PPP3R1: variants seen among roughly 807,000 people sequenced by gnomAD.
PPP3R1 encodes calcineurin subunit B type 1.
Under a neutral mutation model 22.6 loss-of-function variants are expected in PPP3R1, and 5 were observed. The ratio of observed to expected loss-of-function variants is 0.22; its 90% CI spans 0.12 to 0.46. The LOEUF (loss-of-function observed/expected upper bound fraction) is 0.46, where lower values mean the gene tolerates loss of function less well. PPP3R1 is among the 20% of genes least tolerant of loss of function. The pLI is 0.99. For missense variants in PPP3R1, 61 were observed against 203.2 expected (o/e 0.30, Z 4.25); for synonymous variants, 56 against 65.2 (o/e 0.86, Z 0.68).
At chr2:68,230,569 G>A (rs973372435) in intron 1 of PPP3R1, among the ~76,000 whole-genome samples, 1 of 125,870 alleles carries the variant, frequency 7.9e-6, no homozygotes, top group African/African-American at 2.9e-5. Context: ...AAACTCAAAA[G>A]GAGAATGTCT....
chr2:68,180,406 T>C lies in PPP3R1; in HGVS notation c.*557A>G, dbSNP rs1674377550. On this transcript the variant is annotated 3_prime_UTR_variant, in exon 6 of 6. Coordinates refer to ENST00000234310, the MANE Select transcript of PPP3R1 (RefSeq NM_000945.4). ...AAATAATAGGACGTTAACAAATGCT[T>C]TGTCAATCTCTCAAAGGAGAAAGCA... 2 of 152,636 alleles carry C rather than the reference T, an allele frequency of 1.3e-5. No homozygotes were observed. Among genetic ancestry groups the C allele is most frequent in the Admixed American group, 1.3e-4 (2 of 15,278 alleles). 9.5% of individuals were successfully genotyped at this position (152,636 alleles called of 1,614,324 possible).
In PPP3R1 at chr2:68,252,484, G is replaced by C. The variant is rs1247798659; in HGVS notation, c.-357C>G. ...GCAGCCTCGCGCTCGCGCCGGAGCC[G>C]TGACGGACTCACTGCAGCGGCTCGC... On this transcript the variant is annotated 5_prime_UTR_variant, in exon 1 of 6. Transcript: ENST00000234310. 13 of 987,304 alleles carry C rather than the reference G, an allele frequency of 1.3e-5. No homozygotes were observed. The highest frequency in any genetic ancestry group is 1.6e-5 in the Non-Finnish European group (13 of 831,944). 61.2% of individuals were successfully genotyped at this position (987,304 alleles called of 1,614,324 possible).
At chr2:68,212,188 C>T in intron 2 of PPP3R1, among the ~76,000 whole-genome samples, 1 of 152,164 alleles carries the variant, frequency 6.6e-6, no homozygotes, top group East Asian at 1.9e-4. Flanking sequence ...TCAAGCCATT[C>T]TTGTGCCTCA....
At chr2:68,223,243 A>T (rs1418236464) in intron 1 of PPP3R1, among the ~76,000 whole-genome samples, 3 of 152,132 alleles carry the variant, frequency 2.0e-5, no homozygotes, top group Admixed American at 1.3e-4. Flanking sequence ...AGAATACAAA[A>T]ATCAGCTGAG....
chr2:68,232,124 T>TATATACACACACACAC (rs1553408863), intron 1 of PPP3R1, among the ~76,000 whole-genome samples: 3 of 97,988 alleles, frequency 3.1e-5, no homozygotes, highest in African/African-American at 4.1e-5. Flanking sequence ...TATATATATA[T>TATATACACACACACAC]ACACACACAC....
At chr2:68,235,460 T>C (rs2120332) in intron 1 of PPP3R1, among the ~76,000 whole-genome samples, 67,335 of 152,012 alleles carry the variant, frequency 0.44, 15,135 homozygotes, top group South Asian at 0.62. Context: ...AATGAAATTA[T>C]ACAATATATG....
intron 1 of PPP3R1, among the ~76,000 whole-genome samples, chr2:68,221,346 A>C (rs1669685885): frequency 6.6e-6 from 1 of 150,930 alleles, no homozygotes; most frequent in South Asian, 2.1e-4. Context: ...AAAAACAAAA[A>C]CACGAGCCAG....
chr2:68,230,107 C>T (rs1048192495), intron 1 of PPP3R1, among the ~76,000 whole-genome samples: 2 of 152,182 alleles, frequency 1.3e-5, no homozygotes, highest in Non-Finnish European at 2.9e-5. Context: ...ATGCCCCCAT[C>T]TCAGCCTCCT....
At chr2:68,240,052 G>C (rs1474379782) in intron 1 of PPP3R1, among the ~76,000 whole-genome samples, 2 of 152,156 alleles carry the variant, frequency 1.3e-5, no homozygotes, top group African/African-American at 4.8e-5. Context: ...TTTAAGGTAG[G>C]CTAGACTAAG....
At chr2:68,203,743 C>A (rs1280757035) in intron 2 of PPP3R1, among the ~76,000 whole-genome samples, 2 of 152,184 alleles carry the variant, frequency 1.3e-5, no homozygotes, top group Non-Finnish European at 2.9e-5. Flanking sequence ...AAGTTATTAT[C>A]CTTAAACTTT....
chr2:68,218,172 A>G (rs1197166017), intron 1 of PPP3R1, among the ~76,000 whole-genome samples: 1 of 149,470 alleles, frequency 6.7e-6, no homozygotes, highest in African/African-American at 2.5e-5. Flanking sequence ...CAGTAAGTAT[A>G]CAGTTGCTAT....
At chr2:68,245,379 T>C (rs1208385101) in intron 1 of PPP3R1, among the ~76,000 whole-genome samples, 1 of 152,142 alleles carries the variant, frequency 6.6e-6, no homozygotes, top group Non-Finnish European at 1.5e-5. Context: ...AAAAAAAAAT[T>C]ATTCAGTTTA....
At chr2:68,191,793 A>G (rs1198704496) in intron 2 of PPP3R1, among the ~76,000 whole-genome samples, 2 of 152,208 alleles carry the variant, frequency 1.3e-5, no homozygotes, top group Non-Finnish European at 2.9e-5. Context: ...CCTCTATTAA[A>G]GAGTATTCCT....
At chr2:68,185,824 C>G (rs1414739474) in intron 5 of PPP3R1, among the ~76,000 whole-genome samples, 2 of 152,196 alleles carry the variant, frequency 1.3e-5, no homozygotes, top group African/African-American at 4.8e-5. Flanking sequence ...CTATTCTTTA[C>G]AGTGCCACCC....
chr2:68,238,276 A>C (rs998281239), intron 1 of PPP3R1, among the ~76,000 whole-genome samples: 1 of 152,220 alleles, frequency 6.6e-6, no homozygotes, highest in African/African-American at 2.4e-5. Context: ...AGGCAATTAA[A>C]CATAATGAAA....
chr2:68,246,165 C>CAG (rs1202101256), intron 1 of PPP3R1, among the ~76,000 whole-genome samples: 40 of 150,334 alleles, frequency 2.7e-4, no homozygotes, highest in African/African-American at 9.5e-4. Flanking sequence ...ACCTCCGCCT[C>CAG]CCGGGTTCAA....
chr2:68,191,664 T>C (rs1674671737), intron 2 of PPP3R1, among the ~76,000 whole-genome samples: 1 of 152,268 alleles, frequency 6.6e-6, no homozygotes, highest in Non-Finnish European at 1.5e-5. Flanking sequence ...AACCACTGTG[T>C]ATATGTGGTC....
chr2:68,189,291 T>A (rs925204684), intron 2 of PPP3R1, among the ~76,000 whole-genome samples: 1 of 152,186 alleles, frequency 6.6e-6, no homozygotes, highest in Non-Finnish European at 1.5e-5. Context: ...CTTTGCAAGT[T>A]TGAGCAAATA....
intron 1 of PPP3R1, among the ~76,000 whole-genome samples, chr2:68,229,620 AC>A (rs1009110314): frequency 4.6e-5 from 7 of 152,192 alleles, no homozygotes; most frequent in Non-Finnish European, 8.8e-5. Context: ...GGATTGATTA[AC>A]CCTTTTATCA....
Sources: allele counts gnomAD v4.1 joint callset (sites outside exome capture counted in the v4.1 genomes callset), GRCh38; gene constraint gnomAD v4.1.1; transcripts MANE v1.5; gene names NCBI Gene and HGNC (gene_info 2026-07-23, HGNC 2026-07-21).